UBE4B: variants seen among roughly 807,000 people sequenced by gnomAD.
UBE4B encodes the protein ubiquitination factor E4B, also known as ubiquitin conjugation factor E4 B.
A neutral mutation model predicts 148.1 loss-of-function variants in UBE4B; 27 were observed. The observed-to-expected ratio is 0.18, with a 90% CI of 0.13 to 0.25. The LOEUF is 0.25. UBE4B is among the 10% of genes least tolerant of loss of function. The pLI is 1.00. For synonymous variants in UBE4B, 596 were observed against 619.3 expected (o/e 0.96, Z 0.56); for missense variants, 1,170 against 1,662.4 (o/e 0.70, Z 5.15).
At chr1:10,079,802 C>A (rs570899473) in intron 2 of UBE4B, among the ~76,000 whole-genome samples, 2 of 152,252 alleles carry the variant, frequency 1.3e-5, no homozygotes, top group South Asian at 4.2e-4. Context: ...TAGTTTTTAA[C>A]CTACTTAATG....
At chr1:10,176,758 G>T (rs1345716627) in intron 25 of UBE4B, among the ~76,000 whole-genome samples, 1 of 146,562 alleles carries the variant, frequency 6.8e-6, no homozygotes, top group Non-Finnish European at 1.5e-5. Flanking sequence ...TTGTTGTTGA[G>T]TTGGAAGAGT....
chr1:10,034,396 C>CG (rs1187154461), intron 1 of UBE4B, among the ~76,000 whole-genome samples: 9 of 152,034 alleles, frequency 5.9e-5, no homozygotes, highest in African/African-American at 2.2e-4. Context: ...TTTCTAAACT[C>CG]TCTCCTGTTC....
rs1646156872 is a variant in UBE4B, at chr1:10,161,362, C to T, written c.3198+76C>T. On this transcript the variant is annotated intron_variant, in intron 23 of 27. Coordinates refer to ENST00000343090, the MANE Select transcript of UBE4B (RefSeq NM_001105562.3). The surrounding 1 kb of genome is among the most constrained non-coding windows in gnomAD (Gnocchi z 4.1). ...ACACACGGGCAGAGCTGCTTTGGGGCTGCATTTGTGGGTCTGATGATATGC... is the reference window on the plus strand; with the variant it reads ...ACACACGGGCAGAGCTGCTTTGGGGTTGCATTTGTGGGTCTGATGATATGC... The T allele has an allele frequency of 2.0e-6, 3 of 1,537,508 alleles. No individual in the cohort carries two copies. Among genetic ancestry groups the T allele is most frequent in the African/African-American group, 1.4e-5 (1 of 72,532 alleles).
Position 10,041,918 on chromosome 1 carries a change from C to T in UBE4B, c.24+8224C>T, listed in dbSNP as rs943184514. Among the ~76,000 whole-genome samples the T allele has an allele frequency of 1.3e-5, 2 of 152,132 alleles. 1 individual carries two copies. The highest frequency in any genetic ancestry group is 2.9e-5 in the Non-Finnish European group (2 of 68,018). On this transcript the variant is annotated intron_variant, in intron 1 of 27. Coordinates refer to ENST00000343090, the MANE Select transcript of UBE4B (RefSeq NM_001105562.3). ...CCATGTTGGCCAGGCTGGTCTCAAA[C>T]TCCTGACCTCAAATGATCCACCCAC...
chr1:10,145,297 G>T, intron 18 of UBE4B: 1 of 254,200 alleles, frequency 3.9e-6, no homozygotes, highest in South Asian at 9.8e-5. Flanking sequence ...ATGATTCTCA[G>T]TTTAACATCA....
At chr1:10,138,186 C>T (rs911917500) in intron 17 of UBE4B, among the ~76,000 whole-genome samples, 4 of 151,464 alleles carry the variant, frequency 2.6e-5, no homozygotes, top group Admixed American at 6.6e-5. Context: ...TAATCTCTGC[C>T]GCCTGGGTTC....
chr1:10,162,002 T>C (rs1646169310), intron 23 of UBE4B, among the ~76,000 whole-genome samples: 1 of 150,424 alleles, frequency 6.6e-6, no homozygotes, highest in East Asian at 1.9e-4. Context: ...ACTTTTTCTT[T>C]TTTTTTTTTT....
At position 10,151,425 on chromosome 1, in the gene UBE4B, G is replaced by A; in HGVS notation, c.2790G>A (p.Leu930=). Residue 930 remains leucine, a synonymous_variant, in exon 21 of 28, where the codon TTG becomes TTA. Coordinates refer to ENST00000343090, the MANE Select transcript of UBE4B (RefSeq NM_001105562.3). ...AGAACTACATCCGAAACCCATATTTGGTGGCCAAACTGGTAGAAGTCATGT... is the reference window on the plus strand; with the variant it reads ...AGAACTACATCCGAAACCCATATTTAGTGGCCAAACTGGTAGAAGTCATGT... ...CNQNYIRNPY[L]VAKLVEVMFM... 6.2e-7 allele frequency: 1 copy of A among 1,614,006 alleles called. No individual in the cohort carries two copies. Among genetic ancestry groups the A allele is most frequent in the South Asian group, 1.1e-5 (1 of 91,082 alleles).
intron 24 of UBE4B, among the ~76,000 whole-genome samples, chr1:10,170,075 C>G (rs1446640943): frequency 6.6e-6 from 1 of 152,168 alleles, no homozygotes. Flanking sequence ...CACTGTAGCC[C>G]TGTTCTTTTG....
chr1:10,099,684 A>G (rs1644978993), intron 3 of UBE4B, among the ~76,000 whole-genome samples: 1 of 152,204 alleles, frequency 6.6e-6, no homozygotes, highest in African/African-American at 2.4e-5. Flanking sequence ...GGAGAAGAAT[A>G]AAGTGGAGAC....
chr1:10,126,912 T>C, intron 11 of UBE4B, 35 bp downstream of exon 11: 1 of 1,525,020 alleles, frequency 6.6e-7, no homozygotes, highest in Non-Finnish European at 9.1e-7. Context: ...ACTCATTCAA[T>C]AGATGTTTTT....
At chr1:10,152,172 T>C (rs948989089) in intron 21 of UBE4B, among the ~76,000 whole-genome samples, 1 of 151,136 alleles carries the variant, frequency 6.6e-6, no homozygotes, top group African/African-American at 2.4e-5. Flanking sequence ...GGGAGGAGAA[T>C]TGCTTGAACC....
chr1:10,103,147 G>A, intron 5 of UBE4B, 55 bp downstream of exon 5: 1 of 1,506,022 alleles, frequency 6.6e-7, no homozygotes. Flanking sequence ...AAAATAAGAT[G>A]TGAGATCTTT....
intron 10 of UBE4B, among the ~76,000 whole-genome samples, chr1:10,124,939 A>G (rs1451915924): frequency 6.6e-6 from 1 of 152,174 alleles, no homozygotes; most frequent in African/African-American, 2.4e-5. Context: ...CAGGCTGGGC[A>G]ACATGGCAAA....
intron 17 of UBE4B, among the ~76,000 whole-genome samples, chr1:10,141,501 G>T (rs1251125938): frequency 2.0e-5 from 3 of 152,192 alleles, no homozygotes; most frequent in African/African-American, 7.2e-5. Context: ...TAGACTTCCA[G>T]AACTCTAAGA....
chr1:10,111,043 T>TCACACA (rs1408430397), intron 7 of UBE4B, among the ~76,000 whole-genome samples: 1 of 91,054 alleles, frequency 1.1e-5, no homozygotes, highest in African/African-American at 4.6e-5. Flanking sequence ...TCTCTGTCTC[T>TCACACA]GACACACACA....
chr1:10,154,079 T>C (rs1646025295), intron 21 of UBE4B, among the ~76,000 whole-genome samples: 1 of 149,302 alleles, frequency 6.7e-6, no homozygotes, highest in African/African-American at 2.5e-5. Flanking sequence ...CAAAACTCCG[T>C]CTCAAAAACA....
intron 1 of UBE4B, among the ~76,000 whole-genome samples, chr1:10,043,249 T>C (rs1705313627): frequency 6.6e-6 from 1 of 151,794 alleles, no homozygotes; most frequent in African/African-American, 2.4e-5. Context: ...CCTCAGGTGA[T>C]CTGCCGGCCT....
intron 1 of UBE4B, among the ~76,000 whole-genome samples, chr1:10,068,459 C>T (rs1644427357): frequency 6.6e-6 from 1 of 151,226 alleles, no homozygotes; most frequent in Non-Finnish European, 1.5e-5. Context: ...AAGTGATTCT[C>T]CTGCCGCGGC....
Sources: gnomAD v4.1 joint callset for allele counts (sites outside exome capture counted in the v4.1 genomes callset) on GRCh38, gnomAD v4.1.1 for gene constraint, Gnocchi (gnomAD v3.1) non-coding constraint, MANE v1.5 for transcripts, NCBI Gene and HGNC (gene_info 2026-07-23, HGNC 2026-07-21) for gene names.